Variants in DSCAM observed in about 807,000 individuals in gnomAD.
DSCAM encodes the protein cell adhesion molecule DSCAM.
DSCAM carries 47 observed loss-of-function variants against 217.7 expected under a neutral mutation model. The observed-to-expected ratio is 0.22, with a 90% confidence interval of 0.17 to 0.28. The LOEUF (loss-of-function observed/expected upper bound fraction) is 0.28. Among genes scored for constraint, DSCAM ranks in the 10% least tolerant of loss-of-function variants. The pLI, the probability that DSCAM is intolerant of heterozygous loss-of-function variation, is 1.00. For synonymous variants in DSCAM, 1,056 were observed against 1,015.3 expected (o/e 1.04, Z -0.76); for missense variants, 2,080 against 2,618.3 (o/e 0.79, Z 4.49).
chr21:40,074,895 C>T, intron 27 of DSCAM, 142 bp downstream of exon 27: 1 of 785,336 alleles, frequency 1.3e-6, no homozygotes, highest in Non-Finnish European at 2.0e-6. Context: ...GAAGGAATGT[C>T]AGAGAACCAG....
intron 3 of DSCAM, among the ~76,000 whole-genome samples, chr21:40,621,858 T>C (rs1189479090): frequency 7.9e-6 from 1 of 126,836 alleles, no homozygotes; most frequent in Non-Finnish European, 1.5e-5. Context: ...GAACTGGCAC[T>C]GAATGAGGTC....
intron 11 of DSCAM, among the ~76,000 whole-genome samples, chr21:40,222,755 C>T (rs1328898842): frequency 6.6e-6 from 1 of 152,086 alleles, no homozygotes; most frequent in Non-Finnish European, 1.5e-5. Flanking sequence ...ATCTCTAGTA[C>T]AGCAAATATT....
chr21:40,755,235 C>A (rs2146570250), intron 1 of DSCAM, among the ~76,000 whole-genome samples: 1 of 152,212 alleles, frequency 6.6e-6, no homozygotes, highest in East Asian at 1.9e-4. Flanking sequence ...ATCATGAGGT[C>A]AGGAGTTCAA....
At chr21:40,236,129 T>G (rs1321898508) in intron 11 of DSCAM, among the ~76,000 whole-genome samples, 1 of 152,146 alleles carries the variant, frequency 6.6e-6, no homozygotes, top group Non-Finnish European at 1.5e-5. Flanking sequence ...AAAGAAGAAT[T>G]CTAAACCTTG....
rs966558837 is a variant in DSCAM, at chr21:40,187,960, C to G, written c.2581G>C (p.Gly861Arg). The stretch of plus-strand genomic sequence containing the variant: ...TTAATAGCATGGCAGGAAAAGAAAC[C>G]AGAATCTTCTCTCACAGTTGGCAAA... ...QILPTVREDS[G>R]FFSCHAINSY... The change falls in exon 13 of 33, where the codon GGT (glycine) becomes CGT (arginine). Residue 861 changes from glycine to arginine, a missense_variant. Gly to Arg is a moderately radical substitution (Grantham distance 125). Around this residue, in one of 5 missense-constraint regions of DSCAM, gnomAD observed 1,144 missense variants for 1,421.1 expected, o/e 0.81. Coordinates refer to ENST00000400454, the MANE Select transcript of DSCAM (RefSeq NM_001389.5). The G allele has an allele frequency of 6.2e-7, 1 of 1,613,842 alleles. No individual in the cohort carries two copies. Among genetic ancestry groups the G allele is most frequent in the Admixed American group, 1.7e-5 (1 of 59,974 alleles).
In DSCAM at chr21:40,033,350, T is replaced by G. The variant is rs372362564; in HGVS notation, c.5686+9021A>C. Among the ~76,000 whole-genome samples, 19 of 152,206 alleles carry G rather than the reference T, an allele frequency of 1.2e-4. No individual in the cohort carries two copies. In the South Asian group the frequency reaches 3.7e-3, roughly 30 times the overall value. ...GCGCGAGCCGAAGCAGGGCGAGGCA[T>G]TGCATCACTCGGGAAGCACAGGGGT... is the stretch of plus-strand genomic sequence containing the variant. On this transcript the variant is annotated intron_variant, in intron 32 of 32. Transcript: ENST00000400454.
At chr21:40,092,014 G>T (rs1469093116) in intron 21 of DSCAM, among the ~76,000 whole-genome samples, 1 of 152,166 alleles carries the variant, frequency 6.6e-6, no homozygotes, top group East Asian at 1.9e-4. Context: ...AAGCTTCAGG[G>T]GGTCAGGGAG....
chr21:40,659,774 T>C (rs1319645866), intron 3 of DSCAM, among the ~76,000 whole-genome samples: 1 of 152,212 alleles, frequency 6.6e-6, no homozygotes, highest in Admixed American at 6.5e-5. Flanking sequence ...GTTCCTCACA[T>C]GGTCAAGCAT....
At chr21:40,558,946 C>T (rs923202022) in intron 3 of DSCAM, among the ~76,000 whole-genome samples, 1 of 152,176 alleles carries the variant, frequency 6.6e-6, no homozygotes, top group East Asian at 1.9e-4. Context: ...GTATTATGTG[C>T]ATAAAACAGT....
intron 3 of DSCAM, among the ~76,000 whole-genome samples, chr21:40,627,104 T>C (rs2089611509): frequency 6.6e-6 from 1 of 152,350 alleles, no homozygotes; most frequent in South Asian, 2.1e-4. Flanking sequence ...AAGCCATATC[T>C]ACTTCATGAG....
At chr21:40,387,017 G>A (rs2075092567) in intron 3 of DSCAM, among the ~76,000 whole-genome samples, 1 of 151,764 alleles carries the variant, frequency 6.6e-6, no homozygotes, top group African/African-American at 2.4e-5. Flanking sequence ...AATCAGCAGT[G>A]AGTTGTAGCA....
chr21:40,397,954 C>T (rs1809184268), intron 3 of DSCAM, among the ~76,000 whole-genome samples: 1 of 152,180 alleles, frequency 6.6e-6, no homozygotes, highest in Non-Finnish European at 1.5e-5. Context: ...ATTACCACCA[C>T]CACCACTACT....
intron 28 of DSCAM, among the ~76,000 whole-genome samples, chr21:40,061,711 G>A (rs981081700): frequency 2.0e-5 from 3 of 152,122 alleles, no homozygotes; most frequent in African/African-American, 7.2e-5. Context: ...TTCTACTACT[G>A]CCTTCGGTCT....
intron 19 of DSCAM, among the ~76,000 whole-genome samples, chr21:40,133,002 C>A (rs1438831839): frequency 6.6e-6 from 1 of 152,162 alleles, no homozygotes; most frequent in Non-Finnish European, 1.5e-5. Context: ...CAATCCAGCA[C>A]AGCATTTAGA....
intron 3 of DSCAM, among the ~76,000 whole-genome samples, chr21:40,568,444 T>G (rs1477942669): frequency 6.6e-6 from 1 of 152,206 alleles, no homozygotes; most frequent in Non-Finnish European, 1.5e-5. Context: ...TCTTAGGGTG[T>G]TTTTTGTCCT....
At chr21:40,738,338 T>C (rs1476646393) in intron 1 of DSCAM, among the ~76,000 whole-genome samples, 4 of 152,184 alleles carry the variant, frequency 2.6e-5, no homozygotes, top group Non-Finnish European at 5.9e-5. Context: ...AAGAGTTGCA[T>C]CAGGGACCCA....
rs116230875 is a variant in DSCAM at position 40,051,409 on chromosome 21, T to C, written c.5185+549A>G. 2.3e-3 allele frequency among the ~76,000 whole-genome samples: 358 copies of C among 152,348 alleles called. 3 individuals carry two copies. Among genetic ancestry groups the C allele is most frequent in the African/African-American group, 7.5e-3 (313 of 41,596 alleles). ...TCACATTAACTAGAATTATAATTTT[T>C]CTCAAACAGTGTGTTCAGGGGCAAA... On this transcript the variant is annotated intron_variant, in intron 30 of 32. Transcript: ENST00000400454.
chr21:40,340,691 A>C (rs1569073352), intron 6 of DSCAM, among the ~76,000 whole-genome samples: 1 of 152,098 alleles, frequency 6.6e-6, no homozygotes, highest in African/African-American at 2.4e-5. Context: ...GAATGAGTAG[A>C]TTTTTTTTAG....
At position 40,212,722 on chromosome 21, in the gene DSCAM, C is replaced by T. The variant is rs74702324; in HGVS notation, c.2357-23484G>A. Among the ~76,000 whole-genome samples, 977 of 152,198 alleles carry T rather than the reference C, an allele frequency of 6.4e-3. 16 individuals are homozygous for T. Among genetic ancestry groups the T allele is most frequent in the African/African-American group, 0.023 (939 of 41,516 alleles). ...TGGTCCTTCAAAAATATATCAACAT[C>T]CCAACCCCTGGAATCTCAGAATATG... On this transcript the variant is annotated intron_variant, in intron 11 of 32. Transcript: ENST00000400454.
Sources: allele counts gnomAD v4.1 joint callset (sites outside exome capture counted in the v4.1 genomes callset), GRCh38; gene constraint gnomAD v4.1.1; regional missense constraint gnomAD v4.1.1; transcripts MANE v1.5; gene names NCBI Gene and HGNC (gene_info 2026-07-23, HGNC 2026-07-21).